The following GALNT13 variants were observed in gnomAD, a reference collection of about 807,000 sequenced individuals.
GALNT13 encodes UDP-GalNAc:polypeptide N-acetylgalactosaminyltransferase 13.
Under a neutral mutation model 64.2 loss-of-function variants are expected in GALNT13, and 28 were observed. That is an observed-to-expected ratio of 0.44 (90% CI 0.32 to 0.60). The LOEUF (loss-of-function observed/expected upper bound fraction) is 0.60, where lower values mean the gene tolerates loss of function less well. GALNT13 is among the 20% of genes least tolerant of loss of function. GALNT13 has a pLI of 0.05. For synonymous variants in GALNT13, 214 were observed against 224.6 expected (o/e 0.95, Z 0.42); for missense variants, 577 against 669.8 (o/e 0.86, Z 1.53).
chr2:153,183,570 C>G, the GALNT13 span, among the ~76,000 whole-genome samples: 1 of 152,134 alleles, frequency 6.6e-6, no homozygotes, highest in Non-Finnish European at 1.5e-5. Context: ...TTAGTATTGC[C>G]TAGATTTTCT....
intron 4 of GALNT13, among the ~76,000 whole-genome samples, chr2:154,152,496 A>G (rs1573758865): frequency 6.6e-6 from 1 of 152,262 alleles, no homozygotes; most frequent in Middle Eastern, 3.4e-3. Context: ...AGATTGGGGA[A>G]GTTCTCCTGG....
the GALNT13 span, among the ~76,000 whole-genome samples, chr2:153,104,127 G>C: frequency 6.6e-6 from 1 of 152,008 alleles, no homozygotes; most frequent in African/African-American, 2.4e-5. Flanking sequence ...TTAATTTTGC[G>C]TTTAGGCTCT....
At chr2:153,841,739 GT>G in the GALNT13 span, among the ~76,000 whole-genome samples, 4 of 152,174 alleles carry the variant, frequency 2.6e-5, no homozygotes, top group African/African-American at 9.6e-5. Context: ...CTGTATTATG[GT>G]TTGATCTCAA....
chr2:154,203,389 G>T (rs1687274893), intron 4 of GALNT13, among the ~76,000 whole-genome samples: 2 of 152,076 alleles, frequency 1.3e-5, no homozygotes, highest in African/African-American at 4.8e-5. Context: ...GTCAGAATTG[G>T]CATCCCCAGT....
chr2:153,219,032 A>G, the GALNT13 span, among the ~76,000 whole-genome samples: 1 of 152,194 alleles, frequency 6.6e-6, no homozygotes. Context: ...ATTTCAATGT[A>G]TATATATATG....
the GALNT13 span, among the ~76,000 whole-genome samples, chr2:153,502,271 A>AT: frequency 6.6e-6 from 1 of 152,078 alleles, no homozygotes; most frequent in Non-Finnish European, 1.5e-5. Context: ...TCCAAAGTCC[A>AT]TTGTATCATT....
At chr2:153,773,977 C>T in the GALNT13 span, among the ~76,000 whole-genome samples, 17 of 152,018 alleles carry the variant, frequency 1.1e-4, 1 homozygote, top group Admixed American at 8.5e-4. Flanking sequence ...CACTGATGTG[C>T]GTTCATTTAT....
At chr2:153,998,889 A>G (rs557176290) in intron 3 of GALNT13, among the ~76,000 whole-genome samples, 2 of 152,242 alleles carry the variant, frequency 1.3e-5, no homozygotes, top group African/African-American at 4.8e-5. Context: ...CATTTATTAA[A>G]TAGGGAACCC....
At chr2:154,221,889 T>C (rs1439253002) in intron 4 of GALNT13, among the ~76,000 whole-genome samples, 2 of 152,060 alleles carry the variant, frequency 1.3e-5, no homozygotes, top group Non-Finnish European at 1.5e-5. Flanking sequence ...CTTTCCTTTT[T>C]CCCAAGACAC....
At chr2:153,404,766 A>G in the GALNT13 span, among the ~76,000 whole-genome samples, 5 of 152,344 alleles carry the variant, frequency 3.3e-5, no homozygotes, top group Non-Finnish European at 5.9e-5. Flanking sequence ...AGAAGTATGC[A>G]TATTTGAAAG....
chr2:154,074,226 G>C (rs2105397056), intron 3 of GALNT13, among the ~76,000 whole-genome samples: 1 of 151,902 alleles, frequency 6.6e-6, no homozygotes, highest in South Asian at 2.1e-4. Context: ...GAAAATCATA[G>C]TATAAGGTTT....
chr2:154,331,656 T>C (rs1219739189), intron 9 of GALNT13, among the ~76,000 whole-genome samples: 1 of 152,068 alleles, frequency 6.6e-6, no homozygotes, highest in Non-Finnish European at 1.5e-5. Context: ...GGTAAAGCTA[T>C]CTAATTTTGA....
At chr2:153,743,181 C>A in the GALNT13 span, among the ~76,000 whole-genome samples, 2 of 152,076 alleles carry the variant, frequency 1.3e-5, no homozygotes, top group African/African-American at 4.8e-5. Flanking sequence ...ATATTCTTTT[C>A]CATAGAGGTT....
At chr2:154,271,867 G>A (rs917496161) in intron 8 of GALNT13, among the ~76,000 whole-genome samples, 2 of 151,792 alleles carry the variant, frequency 1.3e-5, no homozygotes, top group African/African-American at 4.8e-5. Context: ...ATGATGTATG[G>A]ATAAAAATTT....
chr2:153,822,487 A>T, the GALNT13 span, among the ~76,000 whole-genome samples: 1 of 152,160 alleles, frequency 6.6e-6, no homozygotes, highest in African/African-American at 2.4e-5. Flanking sequence ...AGGCCATATG[A>T]TTATCTCAAT....
At chr2:153,980,381 G>C (rs995706287) in intron 3 of GALNT13, among the ~76,000 whole-genome samples, 3 of 152,136 alleles carry the variant, frequency 2.0e-5, no homozygotes, top group Admixed American at 6.5e-5. Flanking sequence ...AGACCCGTTA[G>C]GAGATATTAG....
At chr2:154,209,459 G>C (rs1573880761) in intron 4 of GALNT13, among the ~76,000 whole-genome samples, 2 of 152,250 alleles carry the variant, frequency 1.3e-5, no homozygotes, top group African/African-American at 4.8e-5. Flanking sequence ...TATAAATTAG[G>C]ATTCACTTTA....
chr2:154,345,037 T>C (rs753075900), intron 9 of GALNT13, among the ~76,000 whole-genome samples: 2 of 151,934 alleles, frequency 1.3e-5, no homozygotes, highest in Non-Finnish European at 2.9e-5. Context: ...TATCCCTAAT[T>C]AGAAATGCCT....
At chr2:154,345,799 T>C (rs1359694124) in intron 9 of GALNT13, among the ~76,000 whole-genome samples, 1 of 152,028 alleles carries the variant, frequency 6.6e-6, no homozygotes, top group Non-Finnish European at 1.5e-5. Flanking sequence ...TTGTAAAGAC[T>C]TTCAGGTGAG....
Sources: allele counts gnomAD v4.1 joint callset (sites outside exome capture counted in the v4.1 genomes callset), GRCh38; gene constraint gnomAD v4.1.1; transcripts MANE v1.5; gene names NCBI Gene and HGNC (gene_info 2026-07-23, HGNC 2026-07-21).